ACOT12: variants seen among roughly 807,000 people sequenced by gnomAD.
ACOT12 encodes the protein acetyl-coenzyme A thioesterase.
A neutral mutation model predicts 67.7 loss-of-function variants in ACOT12; 51 were observed. The observed-to-expected ratio is 0.75, with a 90% CI of 0.60 to 0.95. The LOEUF is 0.95. Among genes scored for constraint, ACOT12 ranks in the 40% least tolerant of loss-of-function variants. The pLI is 0.00. For missense variants in ACOT12, 734 were observed against 708.1 expected, an observed-to-expected ratio of 1.04 and a Z score of -0.41; for synonymous variants, 251 against 244.6, an observed-to-expected ratio of 1.03 and a Z score of -0.24.
chr5:81,312,683 A>G, the ACOT12 span: 1 of 1,537,926 alleles, frequency 6.5e-7, no homozygotes, highest in Non-Finnish European at 9.0e-7. Flanking sequence ...CACTATCATG[A>G]GTTACTACCT....
At chr5:81,349,490 C>T (rs1283950626) in intron 5 of ACOT12, among the ~76,000 whole-genome samples, 5 of 152,154 alleles carry the variant, frequency 3.3e-5, no homozygotes, top group African/African-American at 1.2e-4. Context: ...CGGCAATCCC[C>T]CTGGCCACCA....
intron 10 of ACOT12, 55 bp downstream of exon 10, chr5:81,343,763 C>T: frequency 6.3e-7 from 1 of 1,580,024 alleles, no homozygotes; most frequent in Non-Finnish European, 8.6e-7. Context: ...AGCGGATTTC[C>T]ATTTTTGTAA....
intron 11 of ACOT12, among the ~76,000 whole-genome samples, chr5:81,340,176 TAC>T (rs1163422340): frequency 6.6e-6 from 1 of 151,652 alleles, no homozygotes; most frequent in Non-Finnish European, 1.5e-5. Flanking sequence ...CAGCTGAGAT[TAC>T]AGGTGCCCGC....
At chr5:81,325,329 T>C (rs1758648454), downstream of ACOT12, among the ~76,000 whole-genome samples, 1 of 151,820 alleles carries the variant, frequency 6.6e-6, no homozygotes, top group African/African-American at 2.4e-5. Context: ...GGAGATGGAG[T>C]AGAATTACCA....
the ACOT12 span, among the ~76,000 whole-genome samples, chr5:81,323,936 ATG>A: frequency 1.4e-4 from 16 of 110,668 alleles, no homozygotes; most frequent in Non-Finnish European, 2.7e-4. Flanking sequence ...ATATACATAT[ATG>A]TGTATATATA....
chr5:81,347,939 T>A lies in ACOT12; in HGVS notation c.497-9A>T, dbSNP rs748641613. 3.1e-6 allele frequency: 5 copies of A among 1,612,392 alleles called. No homozygotes were observed. The highest frequency in any genetic ancestry group is 4.2e-6 in the Non-Finnish European group (5 of 1,179,208). On this transcript the variant is annotated splice_polypyrimidine_tract_variant and intron_variant, in intron 5 of 14. Coordinates refer to ENST00000307624, the MANE Select transcript of ACOT12 (RefSeq NM_130767.3). The stretch of plus-strand genomic sequence containing the variant: ...TTCATCAAAAATGAGATCTGAAAGG[T>A]GGATGTAAACATTAATGATGGTGGA...
the ACOT12 span, among the ~76,000 whole-genome samples, chr5:81,310,500 A>G: frequency 1.3e-5 from 2 of 152,216 alleles, no homozygotes; most frequent in East Asian, 3.8e-4. Flanking sequence ...AAATTCAGCC[A>G]GATTTGTATC....
At chr5:81,389,476 C>G (rs1344970015) in intron 1 of ACOT12, among the ~76,000 whole-genome samples, 1 of 152,156 alleles carries the variant, frequency 6.6e-6, no homozygotes, top group Non-Finnish European at 1.5e-5. Context: ...TTCTCTTCAT[C>G]ATAGTTTGAC....
chr5:81,377,275 A>G (rs1191079241), intron 2 of ACOT12, among the ~76,000 whole-genome samples: 1 of 152,152 alleles, frequency 6.6e-6, no homozygotes, highest in African/African-American at 2.4e-5. Context: ...AAAGGCCTTC[A>G]ACAAAATTCA....
chr5:81,342,900 G>A (rs1273596555), intron 10 of ACOT12, 145 bp from the exon 11 acceptor site: 6 of 850,094 alleles, frequency 7.1e-6, no homozygotes, highest in South Asian at 3.3e-5. Context: ...CTAAACTACA[G>A]GCCAGGTGAA....
rs116453024 is a variant in ACOT12, at chr5:81,368,745, A to G, written c.258+3005T>C. ...ATTTCCCAAGATTCTACCTTAAGAC[A>G]CTAGAAAAAGAAAGGCAAATTAAAC... On this transcript the variant is annotated intron_variant, in intron 3 of 14. Coordinates refer to ENST00000307624, the MANE Select transcript of ACOT12 (RefSeq NM_130767.3). Among the ~76,000 whole-genome samples the G allele has an allele frequency of 2.8e-3, 424 of 152,220 alleles. 3 individuals carry two copies. Among genetic ancestry groups the G allele is most frequent in the African/African-American group, 9.8e-3 (409 of 41,558 alleles).
chr5:81,380,746 G>A (rs1760558399), intron 2 of ACOT12, among the ~76,000 whole-genome samples: 1 of 152,148 alleles, frequency 6.6e-6, no homozygotes, highest in Admixed American at 6.5e-5. Flanking sequence ...CCACAATGGA[G>A]TACTATGTAG....
chr5:81,358,708 G>C (rs776871682), intron 5 of ACOT12, among the ~76,000 whole-genome samples: 1 of 152,270 alleles, frequency 6.6e-6, no homozygotes, highest in East Asian at 1.9e-4. Context: ...AATTAGCTGG[G>C]CGTGGTGGCA....
chr5:81,348,681 C>T (rs1006774475), intron 5 of ACOT12, among the ~76,000 whole-genome samples: 5 of 152,296 alleles, frequency 3.3e-5, no homozygotes, highest in South Asian at 2.1e-4. Flanking sequence ...TCTCCTGCCT[C>T]GGCCTCCCGA....
chr5:81,313,864 A>G, the ACOT12 span, among the ~76,000 whole-genome samples: 1 of 152,200 alleles, frequency 6.6e-6, no homozygotes, highest in Non-Finnish European at 1.5e-5. Flanking sequence ...ACTGCTCAGC[A>G]TCCCAGAGCT....
chr5:81,391,615 A>G (rs1760867133), intron 1 of ACOT12, among the ~76,000 whole-genome samples: 1 of 152,252 alleles, frequency 6.6e-6, no homozygotes, highest in African/African-American at 2.4e-5. Context: ...TGAACAAAAC[A>G]TATGACATGA....
At chr5:81,325,498 C>A (rs746176243), downstream of ACOT12, among the ~76,000 whole-genome samples, 18 of 152,086 alleles carry the variant, frequency 1.2e-4, no homozygotes, top group Non-Finnish European at 2.4e-4. Flanking sequence ...GACAGAGGTG[C>A]AGTGTTTTCC....
chr5:81,367,972 A>C (rs1033638297), intron 3 of ACOT12, among the ~76,000 whole-genome samples: 3 of 152,158 alleles, frequency 2.0e-5, no homozygotes, highest in Admixed American at 6.6e-5. Flanking sequence ...CTTCATAATG[A>C]TAAAAGGGTC....
chr5:81,312,822 AAT>A, the ACOT12 span: 1 of 528,398 alleles, frequency 1.9e-6, no homozygotes, highest in African/African-American at 1.9e-5. Context: ...CTGTCTATCA[AAT>A]AGTACTTCTA....
Sources: gnomAD v4.1 joint callset for allele counts (sites outside exome capture counted in the v4.1 genomes callset) on GRCh38, gnomAD v4.1.1 for gene constraint, MANE v1.5 for transcripts, NCBI Gene and HGNC (gene_info 2026-07-23, HGNC 2026-07-21) for gene names.